The following DPY19L3 variants were observed in gnomAD, a reference collection of about 807,000 sequenced individuals.
DPY19L3 encodes the protein protein C-mannosyl-transferase DPY19L3.
Under a neutral mutation model 92.3 loss-of-function variants are expected in DPY19L3, and 51 were observed. The ratio of observed to expected loss-of-function variants is 0.55; its 90% confidence interval spans 0.44 to 0.70. The LOEUF (loss-of-function observed/expected upper bound fraction) is 0.70. DPY19L3 is among the 30% of genes least tolerant of loss of function. DPY19L3 has a pLI of 0.00. For missense variants in DPY19L3, 706 were observed against 855.9 expected (o/e 0.82, Z 2.18); for synonymous variants, 309 against 315.2 (o/e 0.98, Z 0.21).
intron 8 of DPY19L3, among the ~76,000 whole-genome samples, chr19:32,445,134 C>G (rs1279680098): frequency 2.7e-5 from 4 of 148,860 alleles, no homozygotes; most frequent in Admixed American, 6.7e-5. Context: ...CTAGTATTTT[C>G]AGATGCAGAA....
chr19:32,415,600 G>A (rs958377485), intron 3 of DPY19L3, among the ~76,000 whole-genome samples: 2 of 152,198 alleles, frequency 1.3e-5, no homozygotes, highest in Admixed American at 6.6e-5. Context: ...TCGTATTGGC[G>A]TTTCAGAAAG....
chr19:32,447,816 T>TAGATTAGATAGATAGA (rs1555721982), intron 8 of DPY19L3, among the ~76,000 whole-genome samples: 4,828 of 89,826 alleles, frequency 0.054, 125 homozygotes, highest in African/African-American at 0.079. Flanking sequence ...GATAGATAGA[T>TAGATTAGATAGATAGA]TAGATAGATA....
chr19:32,454,372 A>G (rs1969799028), intron 9 of DPY19L3, among the ~76,000 whole-genome samples: 1 of 152,172 alleles, frequency 6.6e-6, no homozygotes, highest in African/African-American at 2.4e-5. Context: ...CAGGAAATTG[A>G]GACCATGCTG....
chr19:32,460,143 G>A (rs964937573), intron 12 of DPY19L3, among the ~76,000 whole-genome samples: 1 of 152,124 alleles, frequency 6.6e-6, no homozygotes, highest in African/African-American at 2.4e-5. Context: ...GGTATGGTGG[G>A]CCTGTAATCC....
At chr19:32,477,191 A>G (rs1278577416) in intron 16 of DPY19L3, among the ~76,000 whole-genome samples, 1 of 152,160 alleles carries the variant, frequency 6.6e-6, no homozygotes, top group Non-Finnish European at 1.5e-5. Context: ...AATTCCTTAT[A>G]AAAGTAAACC....
intron 8 of DPY19L3, among the ~76,000 whole-genome samples, chr19:32,449,712 C>G (rs1050399095): frequency 6.6e-6 from 1 of 152,164 alleles, no homozygotes; most frequent in Admixed American, 6.5e-5. Flanking sequence ...ATAACTGATA[C>G]CGACATGCAA....
rs1568359553 is a variant in DPY19L3 at position 32,471,002 on chromosome 19, T to C, written c.1697+2189T>C. Among the ~76,000 whole-genome samples the C allele has an allele frequency of 3.3e-5, 5 of 152,268 alleles. No individual in the cohort carries two copies. In the South Asian group the frequency reaches 1.0e-3, roughly 32 times the overall value. On this transcript the variant is annotated intron_variant, in intron 16 of 18. Coordinates refer to ENST00000392250, the MANE Select transcript of DPY19L3 (RefSeq NM_001172774.2). ...GGTCTATGTAGACATCAAATATGTT[T>C]GTTTAAATCAACACTCAAATCCACA... is the stretch of plus-strand genomic sequence containing the variant.
At chr19:32,471,158 C>T (rs755562022) in intron 16 of DPY19L3, among the ~76,000 whole-genome samples, 3 of 152,162 alleles carry the variant, frequency 2.0e-5, no homozygotes, top group Non-Finnish European at 2.9e-5. Flanking sequence ...ATTAGTCACA[C>T]GGTATCCATG....
chr19:32,450,683 C>A (rs1286109799), intron 8 of DPY19L3, among the ~76,000 whole-genome samples: 1 of 152,096 alleles, frequency 6.6e-6, no homozygotes, highest in Admixed American at 6.6e-5. Context: ...GAGAACAGTA[C>A]ATCAGTGGTT....
intron 8 of DPY19L3, among the ~76,000 whole-genome samples, chr19:32,443,095 G>A (rs1409497840): frequency 6.6e-6 from 1 of 152,154 alleles, no homozygotes; most frequent in African/African-American, 2.4e-5. Context: ...TTTCTCTACT[G>A]CCCTACCCCA....
intron 3 of DPY19L3, among the ~76,000 whole-genome samples, chr19:32,421,309 G>A (rs1230571907): frequency 1.3e-5 from 2 of 152,122 alleles, no homozygotes; most frequent in Admixed American, 6.5e-5. Context: ...TGATGAAGGG[G>A]GCTGCCAAAT....
intron 8 of DPY19L3, among the ~76,000 whole-genome samples, chr19:32,450,197 C>T (rs1335290713): frequency 6.6e-6 from 1 of 152,172 alleles, no homozygotes; most frequent in Admixed American, 6.5e-5. Flanking sequence ...TACCACTTTA[C>T]ACCCACTTGG....
chr19:32,455,497 C>T (rs1392605359), intron 10 of DPY19L3, among the ~76,000 whole-genome samples: 1 of 152,030 alleles, frequency 6.6e-6, no homozygotes, highest in African/African-American at 2.4e-5. Context: ...CAAATAATTT[C>T]TCTAAATTTA....
Position 32,483,125 on chromosome 19 carries a change from T to C in DPY19L3, c.*885T>C, listed in dbSNP as rs573135759. ...AAACTTTTTGTGTTTTTAGCCTTTG[T>C]ATTTTTTACAGCCTAGAATCTTGCA... On this transcript the variant is annotated 3_prime_UTR_variant, in exon 19 of 19. Transcript: ENST00000392250. 3.1e-4 allele frequency: 47 copies of C among 152,326 alleles called. No homozygotes were observed. Among genetic ancestry groups the C allele is most frequent in the African/African-American group, 1.1e-3 (44 of 41,572 alleles). The allele number at this position is 152,326 out of a possible 1,614,324, so 9.4% of individuals were successfully genotyped here.
intron 15 of DPY19L3, among the ~76,000 whole-genome samples, chr19:32,467,318 A>G (rs1484043266): frequency 1.3e-5 from 2 of 152,258 alleles, no homozygotes; most frequent in South Asian, 2.1e-4. Context: ...TTGAGTTCAC[A>G]GATTTCAAAT....
chr19:32,408,738 G>A (rs1008516589), intron 2 of DPY19L3, among the ~76,000 whole-genome samples: 9 of 151,194 alleles, frequency 6.0e-5, no homozygotes, highest in South Asian at 4.2e-4. Context: ...GTGAAAGGTG[G>A]ATCAACATTT....
chr19:32,443,589 G>T (rs1469100924), intron 8 of DPY19L3, among the ~76,000 whole-genome samples: 1 of 152,118 alleles, frequency 6.6e-6, no homozygotes, highest in Non-Finnish European at 1.5e-5. Flanking sequence ...TCTTGGACTT[G>T]CCAGCCTCCG....
rs1299049163 is a variant in DPY19L3 at position 32,458,477 on chromosome 19, T to C, written c.1290T>C (p.Ile430=). The C allele has an allele frequency of 6.2e-7, 1 of 1,612,656 alleles. No homozygotes were observed. The highest frequency in any genetic ancestry group is 1.1e-5 in the South Asian group (1 of 90,590). The change falls in exon 12 of 19, where the codon ATT becomes ATC. Residue 430 remains isoleucine (I), a synonymous_variant. Transcript: ENST00000392250. ...AYIFVLSITV[I]VAFVVAFHNL... Reference sequence around the variant, plus strand: ...TATTCGTTCTGTCCATCACAGTGATTGTAGCATTCGTTGTTGCCTTTCATA... The same window carrying C: ...TATTCGTTCTGTCCATCACAGTGATCGTAGCATTCGTTGTTGCCTTTCATA...
chr19:32,411,598 C>T (rs1793907325), intron 3 of DPY19L3: 3 of 445,426 alleles, frequency 6.7e-6, no homozygotes, highest in Non-Finnish European at 1.2e-5. Flanking sequence ...GATGGAGTCT[C>T]ACTCTGTCAC....
Sources: gnomAD v4.1 joint callset for allele counts (sites outside exome capture counted in the v4.1 genomes callset) on GRCh38, gnomAD v4.1.1 for gene constraint, MANE v1.5 for transcripts, NCBI Gene and HGNC (gene_info 2026-07-23, HGNC 2026-07-21) for gene names.